LRRC37A2: variants seen among roughly 807,000 people sequenced by gnomAD.
LRRC37A2 encodes the protein leucine-rich repeat-containing protein 37A2.
A neutral mutation model predicts 68.8 loss-of-function variants in LRRC37A2; 9 were observed. That is an observed-to-expected ratio of 0.13 (90% CI 0.08 to 0.23). The LOEUF (loss-of-function observed/expected upper bound fraction) is 0.23. Ranked by LOEUF, LRRC37A2 falls within the 10% of genes least tolerant of loss-of-function variation. The probability of loss-of-function intolerance (pLI) is 1.00; values close to 1 mark genes in which losing one functional copy is unlikely to be tolerated. For synonymous variants in LRRC37A2, 63 were observed against 367.6 expected (o/e 0.17, Z 9.48); for missense variants, 168 against 950.4 (o/e 0.18, Z 10.82).
chr17:46,876,568 G>A, the LRRC37A2 span: 3 of 1,613,662 alleles, frequency 1.9e-6, no homozygotes, highest in Non-Finnish European at 2.5e-6. Flanking sequence ...GCTCCCGGGA[G>A]GCCAGCTGCA....
chr17:46,773,508 A>G, the LRRC37A2 span, among the ~76,000 whole-genome samples: 1 of 152,024 alleles, frequency 6.6e-6, no homozygotes, highest in Non-Finnish European at 1.5e-5. Flanking sequence ...AGCCCCCAGC[A>G]GCGCCTGGGA....
At chr17:46,860,138 G>A in the LRRC37A2 span, among the ~76,000 whole-genome samples, 6 of 152,178 alleles carry the variant, frequency 3.9e-5, no homozygotes, top group African/African-American at 1.4e-4. Context: ...CTCTGGCTGA[G>A]CTGTAACCCC....
the LRRC37A2 span, chr17:46,768,259 C>T: frequency 6.2e-7 from 1 of 1,609,660 alleles, no homozygotes; most frequent in South Asian, 1.1e-5. The surrounding 1 kb of genome is among the most constrained non-coding windows in gnomAD (Gnocchi z 5.0). Flanking sequence ...GGCAAACAAC[C>T]CCATTCCCTG....
chr17:46,951,255 G>A, the LRRC37A2 span, among the ~76,000 whole-genome samples: 3 of 152,220 alleles, frequency 2.0e-5, no homozygotes, highest in South Asian at 4.1e-4. Context: ...AGAGGTGCCC[G>A]CTGGCCGCCC....
chr17:47,003,301 G>C, the LRRC37A2 span, among the ~76,000 whole-genome samples: 13 of 149,536 alleles, frequency 8.7e-5, no homozygotes, highest in Non-Finnish European at 1.9e-4. Context: ...GACCACTCTG[G>C]AACATACAAT....
the LRRC37A2 span, among the ~76,000 whole-genome samples, chr17:46,568,482 T>G: frequency 9.5e-5 from 10 of 105,344 alleles, no homozygotes; most frequent in South Asian, 2.6e-4. Flanking sequence ...ATCCAGAATG[T>G]GGAATAAGCA....
At chr17:46,931,515 A>C in the LRRC37A2 span, 1 of 434,280 alleles carries the variant, frequency 2.3e-6, no homozygotes, top group African/African-American at 2.0e-5. Context: ...GTTGCCATGG[A>C]GTTTTGTTCT....
At chr17:46,472,682 C>T in the LRRC37A2 span, among the ~76,000 whole-genome samples, 1 of 14,186 alleles carries the variant, frequency 7.0e-5, no homozygotes, top group Non-Finnish European at 1.6e-4. Context: ...GCAAGGCAGG[C>T]GGATCACAAG....
chr17:46,835,528 A>G, the LRRC37A2 span, among the ~76,000 whole-genome samples: 1 of 152,118 alleles, frequency 6.6e-6, no homozygotes, highest in Non-Finnish European at 1.5e-5. Flanking sequence ...CCTTATTCTT[A>G]ATGAGGTGAC....
At chr17:46,722,267 G>T in the LRRC37A2 span, 1 of 1,006,702 alleles carries the variant, frequency 9.9e-7, no homozygotes, top group African/African-American at 1.6e-5. Context: ...AATTTTGGGG[G>T]GAGTCTGTAA....
chr17:46,817,323 G>A, the LRRC37A2 span, among the ~76,000 whole-genome samples: 6 of 152,164 alleles, frequency 3.9e-5, no homozygotes, highest in East Asian at 1.2e-3. Flanking sequence ...CACCCCGGGG[G>A]CCACAGCCCA....
At chr17:46,990,373 T>C in the LRRC37A2 span, among the ~76,000 whole-genome samples, 1 of 152,362 alleles carries the variant, frequency 6.6e-6, no homozygotes, top group South Asian at 2.1e-4. Context: ...ATTCACCTGA[T>C]AACATATCAT....
chr17:46,789,021 A>G, the LRRC37A2 span, among the ~76,000 whole-genome samples: 1 of 152,198 alleles, frequency 6.6e-6, no homozygotes, highest in Non-Finnish European at 1.5e-5. Flanking sequence ...GCAGCTCCCC[A>G]GGGCTCCTCA....
At chr17:46,853,363 CTTTTTTTTTTT>C in the LRRC37A2 span, among the ~76,000 whole-genome samples, 3 of 78,906 alleles carry the variant, frequency 3.8e-5, 1 homozygote, top group Admixed American at 5.4e-4. Context: ...ATGCTAGTGA[CTTTTTTTTTTT>C]TTTTTTTTTT....
chr17:46,768,495 C>T, the LRRC37A2 span: 1 of 1,614,192 alleles, frequency 6.2e-7, no homozygotes, highest in Non-Finnish European at 8.5e-7. The surrounding 1 kb of genome is among the most constrained non-coding windows in gnomAD (Gnocchi z 5.0). Context: ...ATTGCAAGTC[C>T]GGTCCCTTGT....
At chr17:46,927,491 G>A in the LRRC37A2 span, among the ~76,000 whole-genome samples, 1 of 152,162 alleles carries the variant, frequency 6.6e-6, no homozygotes, top group Non-Finnish European at 1.5e-5. Context: ...ATGCACACCT[G>A]TATTTTCTTC....
the LRRC37A2 span, among the ~76,000 whole-genome samples, chr17:46,776,978 G>A: frequency 2.6e-5 from 4 of 152,236 alleles, no homozygotes; most frequent in East Asian, 7.7e-4. Context: ...CTAAACTGGA[G>A]GCTGAGCCCT....
chr17:47,001,768 C>A, the LRRC37A2 span, among the ~76,000 whole-genome samples: 11 of 141,066 alleles, frequency 7.8e-5, no homozygotes, highest in African/African-American at 2.9e-4. Context: ...TGTCACCAGG[C>A]CGGAGTGCAG....
chr17:47,020,926 T>A, the LRRC37A2 span, among the ~76,000 whole-genome samples: 1 of 151,890 alleles, frequency 6.6e-6, no homozygotes, highest in Non-Finnish European at 1.5e-5. Context: ...GGTGTGGAGA[T>A]GCTACATGGG....
Sources: allele counts gnomAD v4.1 joint callset (sites outside exome capture counted in the v4.1 genomes callset), GRCh38; gene constraint gnomAD v4.1.1; non-coding constraint Gnocchi (gnomAD v3.1); transcripts MANE v1.5; gene names NCBI Gene and HGNC (gene_info 2026-07-23, HGNC 2026-07-21).